Variants in TXNDC16 observed in about 807,000 individuals in gnomAD.
The protein encoded by TXNDC16 is thioredoxin domain containing 16.
Under a neutral mutation model 85.6 loss-of-function variants are expected in TXNDC16, and 74 were observed. The ratio of observed to expected loss-of-function variants is 0.86; its 90% confidence interval spans 0.72 to 1.05. The LOEUF (loss-of-function observed/expected upper bound fraction) is 1.05, where lower values mean the gene tolerates loss of function less well. TXNDC16 is among the 50% of genes least tolerant of loss of function. TXNDC16 has a pLI of 0.00. For synonymous variants in TXNDC16, 335 were observed against 326.5 expected (o/e 1.03, Z -0.28); for missense variants, 959 against 947.0 (o/e 1.01, Z -0.17).
intron 11 of TXNDC16, among the ~76,000 whole-genome samples, chr14:52,489,132 TAGAGTA>T (rs1397794235): frequency 6.6e-6 from 1 of 152,144 alleles, no homozygotes; most frequent in Non-Finnish European, 1.5e-5. Context: ...TTACTGCAAA[TAGAGTA>T]AATCAAAATT....
intron 9 of TXNDC16, among the ~76,000 whole-genome samples, chr14:52,498,436 C>CAT (rs1194009329): frequency 4.6e-5 from 7 of 151,170 alleles, no homozygotes; most frequent in Non-Finnish European, 7.4e-5. Flanking sequence ...CACACACACA[C>CAT]ACTCACACAC....
At chr14:52,502,745 C>T (rs142940306) in intron 9 of TXNDC16, among the ~76,000 whole-genome samples, 1,759 of 152,216 alleles carry the variant, frequency 0.012, 99 homozygotes, top group Admixed American at 0.098. Context: ...GTCGGTACAG[C>T]GCACCGAGCG....
intron 6 of TXNDC16, among the ~76,000 whole-genome samples, chr14:52,529,923 TTATA>T (rs1247349780): frequency 1.9e-5 from 2 of 107,168 alleles, no homozygotes; most frequent in Admixed American, 1.3e-4. Context: ...ATAATATACA[TTATA>T]TATATTATAT....
intron 18 of TXNDC16, among the ~76,000 whole-genome samples, chr14:52,444,389 T>C (rs947048791): frequency 6.6e-6 from 1 of 152,314 alleles, no homozygotes; most frequent in Middle Eastern, 3.4e-3. Flanking sequence ...TTAAGCATTA[T>C]TTATCTGGCC....
intron 9 of TXNDC16, among the ~76,000 whole-genome samples, chr14:52,496,735 A>G (rs1026724479): frequency 7.9e-5 from 12 of 151,210 alleles, no homozygotes; most frequent in Admixed American, 5.3e-4. Flanking sequence ...TCAGCCTCCC[A>G]AGTAGCTGGG....
intron 1 of TXNDC16, among the ~76,000 whole-genome samples, chr14:52,548,506 C>T (rs975584816): frequency 6.6e-6 from 1 of 152,158 alleles, no homozygotes; most frequent in African/African-American, 2.4e-5. Context: ...CAACAACCTG[C>T]CTTCATGAGA....
At position 52,488,498 on chromosome 14, in the gene TXNDC16, T is replaced by C; in HGVS notation, c.985-12A>G. 4.4e-6 allele frequency: 7 copies of C among 1,574,660 alleles called. No individual in the cohort carries two copies. The highest frequency in any genetic ancestry group is 6.1e-6 in the Non-Finnish European group (7 of 1,153,020). On this transcript the variant is annotated splice_polypyrimidine_tract_variant and intron_variant, in intron 11 of 20. Coordinates refer to ENST00000281741, the MANE Select transcript of TXNDC16 (RefSeq NM_020784.3). Reference sequence around the variant, plus strand: ...TCCACTGGAACTCCCTAGAAATACATTAATTTTTAAAAAATGAATATAGCA... The same window carrying C: ...TCCACTGGAACTCCCTAGAAATACACTAATTTTTAAAAAATGAATATAGCA...
intron 6 of TXNDC16, among the ~76,000 whole-genome samples, chr14:52,524,843 G>A (rs2037290428): frequency 6.6e-6 from 1 of 152,020 alleles, no homozygotes; most frequent in South Asian, 2.1e-4. Flanking sequence ...AGAATGGGCT[G>A]GGCGTGGTGG....
intron 18 of TXNDC16, among the ~76,000 whole-genome samples, chr14:52,442,624 C>T (rs906959839): frequency 1.3e-5 from 2 of 152,198 alleles, no homozygotes; most frequent in Non-Finnish European, 1.5e-5. Flanking sequence ...ACACCTTCCT[C>T]TTTCATGGCT....
chr14:52,530,266 ATAT>A (rs1402569938), intron 6 of TXNDC16, among the ~76,000 whole-genome samples: 10 of 54,948 alleles, frequency 1.8e-4, no homozygotes, highest in South Asian at 1.3e-3. Context: ...TATATAATAT[ATAT>A]TATTATTTAA....
At chr14:52,529,919 T>C (rs2037455032) in intron 6 of TXNDC16, among the ~76,000 whole-genome samples, 1 of 108,310 alleles carries the variant, frequency 9.2e-6, no homozygotes, top group Non-Finnish European at 1.7e-5. Flanking sequence ...TTATATAATA[T>C]ACATTATATA....
chr14:52,527,894 A>G, intron 6 of TXNDC16, among the ~76,000 whole-genome samples: 1 of 145,520 alleles, frequency 6.9e-6, no homozygotes, highest in Non-Finnish European at 1.5e-5. Flanking sequence ...GATTTATTTC[A>G]CTTACTACAT....
chr14:52,447,347 C>T (rs1014424449), intron 18 of TXNDC16, among the ~76,000 whole-genome samples: 1 of 152,110 alleles, frequency 6.6e-6, no homozygotes, highest in Non-Finnish European at 1.5e-5. Context: ...AATTCACCAT[C>T]CTAAAGGGAA....
At chr14:52,537,577 C>G in intron 5 of TXNDC16, 22 bp downstream of exon 5, 1 of 1,502,826 alleles carries the variant, frequency 6.7e-7, no homozygotes, top group Non-Finnish European at 9.2e-7. Context: ...ATTTGTCCAG[C>G]ACACTCAGGA....
At chr14:52,433,062 A>C (rs560219185) in intron 20 of TXNDC16, among the ~76,000 whole-genome samples, 1 of 152,302 alleles carries the variant, frequency 6.6e-6, no homozygotes, top group South Asian at 2.1e-4. Flanking sequence ...TATTTATACA[A>C]GTGTTTCCTT....
chr14:52,515,550 A>G (rs1395147883), intron 7 of TXNDC16, among the ~76,000 whole-genome samples: 2 of 152,032 alleles, frequency 1.3e-5, no homozygotes, highest in African/African-American at 2.4e-5. Context: ...TAATTTTACA[A>G]GGCATATTAA....
intron 9 of TXNDC16, among the ~76,000 whole-genome samples, chr14:52,507,677 C>T (rs1322221805): frequency 3.3e-5 from 5 of 152,186 alleles, no homozygotes; most frequent in Non-Finnish European, 2.9e-5. Context: ...TACAAGGCTA[C>T]AGTAACCAAA....
At chr14:52,492,334 T>C (rs188825144) in intron 9 of TXNDC16, among the ~76,000 whole-genome samples, 2 of 152,224 alleles carry the variant, frequency 1.3e-5, no homozygotes, top group Admixed American at 1.3e-4. Flanking sequence ...ATACTGACAT[T>C]GGGATTCGCC....
chr14:52,516,093 T>C (rs1404206087), intron 7 of TXNDC16, among the ~76,000 whole-genome samples: 13 of 152,166 alleles, frequency 8.5e-5, no homozygotes, highest in South Asian at 2.1e-4. Flanking sequence ...CTTGTAAACA[T>C]TTCTGCAGAG....
Sources: gnomAD v4.1 joint callset for allele counts (sites outside exome capture counted in the v4.1 genomes callset) on GRCh38, gnomAD v4.1.1 for gene constraint, MANE v1.5 for transcripts, NCBI Gene and HGNC (gene_info 2026-07-23, HGNC 2026-07-21) for gene names.